The following ZNF585B variants were observed in gnomAD, a reference collection of about 807,000 sequenced individuals.
The protein encoded by ZNF585B is zinc finger protein 41-like protein.
ZNF585B carries 7 observed loss-of-function variants against 14.0 expected under a neutral mutation model. The ratio of observed to expected loss-of-function variants is 0.50; its 90% CI spans 0.28 to 0.94. ZNF585B has a LOEUF of 0.94. Among genes scored for constraint, ZNF585B ranks in the 40% least tolerant of loss-of-function variants. The probability of loss-of-function intolerance (pLI) is 0.09; values close to 1 mark genes in which losing one functional copy is unlikely to be tolerated. For synonymous variants in ZNF585B, 290 were observed against 317.3 expected, an observed-to-expected ratio of 0.91 and a Z score of 0.91; for missense variants, 750 against 924.4, an observed-to-expected ratio of 0.81 and a Z score of 2.45.
intron 2 of ZNF585B, among the ~76,000 whole-genome samples, chr19:37,197,110 C>T (rs1028932275): frequency 1.3e-5 from 2 of 152,076 alleles, no homozygotes; most frequent in African/African-American, 4.8e-5. Context: ...AGGTATTTCT[C>T]CTAATGCTAT....
chr19:37,207,334 C>G (rs1039374199), intron 1 of ZNF585B, 80 bp from the exon 2 acceptor site: 1 of 1,102,800 alleles, frequency 9.1e-7, no homozygotes, highest in Admixed American at 3.1e-5. Flanking sequence ...CAGGTCCCTG[C>G]GCTAGAAACC....
At chr19:37,205,480 G>A (rs781538565) in intron 2 of ZNF585B, among the ~76,000 whole-genome samples, 1 of 151,956 alleles carries the variant, frequency 6.6e-6, no homozygotes, top group Non-Finnish European at 1.5e-5. Context: ...AAACAGCAAT[G>A]TACAAAAAAG....
chr19:37,201,678 T>C (rs2145442961), intron 2 of ZNF585B, among the ~76,000 whole-genome samples: 1 of 152,288 alleles, frequency 6.6e-6, no homozygotes, highest in South Asian at 2.1e-4. Context: ...TTATTAAAAG[T>C]AGAATATTTT....
rs1318081615 is a variant in ZNF585B at position 37,206,634 on chromosome 19, G to A, written c.72+406C>T. Among the ~76,000 whole-genome samples the A allele has an allele frequency of 3.3e-5, 5 of 152,018 alleles. No individual in the cohort carries two copies. In the East Asian group the frequency reaches 9.6e-4, roughly 29 times the overall value. ...AATAGTAGAGAAAAGAAATGGAGAA[G>A]CAACATCTGAAAAACAAGTTTCAGA... On this transcript the variant is annotated intron_variant, in intron 2 of 4. Transcript: ENST00000532828.
In ZNF585B at chr19:37,189,309, G is replaced by A. The variant is rs530432678; in HGVS notation, c.292+352C>T. On this transcript the variant is annotated intron_variant, in intron 4 of 4. Coordinates refer to ENST00000532828, the MANE Select transcript of ZNF585B (RefSeq NM_152279.4). Reference sequence around the variant, plus strand: ...AAAGGGGTGTAGCACGAGTGGGAGTGTGTGACACAGAGTAAATTTTGAAAG... The same window carrying A: ...AAAGGGGTGTAGCACGAGTGGGAGTATGTGACACAGAGTAAATTTTGAAAG... Among the ~76,000 whole-genome samples, 8 of 152,246 alleles carry A rather than the reference G, an allele frequency of 5.3e-5. No individual in the cohort carries two copies. The South Asian group carries it at 1.5e-3, about 28-fold the overall frequency.
intron 4 of ZNF585B, among the ~76,000 whole-genome samples, chr19:37,188,467 C>G (rs1269741359): frequency 1.3e-5 from 2 of 151,828 alleles, no homozygotes; most frequent in Non-Finnish European, 2.9e-5. Flanking sequence ...GCCTGGGCAA[C>G]AAGAGTGAAA....
At chr19:37,203,769 C>G (rs1972559079) in intron 2 of ZNF585B, among the ~76,000 whole-genome samples, 2 of 152,158 alleles carry the variant, frequency 1.3e-5, no homozygotes, top group Non-Finnish European at 2.9e-5. Flanking sequence ...GCTGGGATTA[C>G]AGGCATGGGC....
At chr19:37,196,426 T>C (rs1016487227) in intron 2 of ZNF585B, among the ~76,000 whole-genome samples, 2 of 152,224 alleles carry the variant, frequency 1.3e-5, no homozygotes, top group African/African-American at 4.8e-5. Flanking sequence ...TGGAAAATCA[T>C]TGACAAGACT....
rs554526390 is a variant in ZNF585B, at chr19:37,185,615, T to C, written c.1922A>G (p.Lys641Arg). ...GAGATTTGACCTGCCACTAAAGGCT[T>C]TCCCACACTCGGCACACACATAGGG... is the stretch of plus-strand genomic sequence containing the variant. The part of the protein sequence containing the change: ...EKPYVCAECG[K>R]AFSGRSNLSK... Residue 641 changes from lysine (K) to arginine (R), a missense_variant, in exon 5 of 5, where the codon AAA becomes AGA. Coordinates refer to ENST00000532828, the MANE Select transcript of ZNF585B (RefSeq NM_152279.4). 6.2e-7 allele frequency: 1 copy of C among 1,614,124 alleles called. No individual in the cohort carries two copies. Among genetic ancestry groups the C allele is most frequent in the African/African-American group, 1.3e-5 (1 of 75,022 alleles).
chr19:37,199,682 T>C (rs1437849944), intron 2 of ZNF585B, among the ~76,000 whole-genome samples: 1 of 152,016 alleles, frequency 6.6e-6, no homozygotes, highest in Non-Finnish European at 1.5e-5. Flanking sequence ...ATACTACAAA[T>C]AAATTGACAC....
In ZNF585B at chr19:37,185,550, T is replaced by C; in HGVS notation, c.1987A>G (p.Ile663Val). The stretch of plus-strand genomic sequence containing the variant: ...AAGGTCTTCCCACATTCAGAACAAA[T>C]GTAGGGCTTTTCTCCGGTATGAGTT... ...QKTHTGEKPYICSECGKTFRQ... is the reference protein window; with the variant it reads ...QKTHTGEKPYVCSECGKTFRQ... Residue 663 changes from isoleucine to valine, a missense_variant, in exon 5 of 5, where the codon ATT becomes GTT. By Grantham distance (29) the Ile-to-Val change is conservative. Coordinates refer to ENST00000532828, the MANE Select transcript of ZNF585B (RefSeq NM_152279.4). 1.2e-6 allele frequency: 2 copies of C among 1,613,218 alleles called. No homozygotes were observed. The highest frequency in any genetic ancestry group is 1.7e-6 in the Non-Finnish European group (2 of 1,179,730).
chr19:37,197,213 G>A (rs558039884), intron 2 of ZNF585B, among the ~76,000 whole-genome samples: 7 of 147,832 alleles, frequency 4.7e-5, no homozygotes, highest in Non-Finnish European at 7.4e-5. Flanking sequence ...TCCCACCTAC[G>A]AGTGAGAACA....
At chr19:37,207,312 T>C in intron 1 of ZNF585B, 58 bp from the exon 2 acceptor site, 1 of 1,313,914 alleles carries the variant, frequency 7.6e-7, no homozygotes, top group Non-Finnish European at 1.0e-6. Flanking sequence ...ACTTCCTGGA[T>C]ACACCAAGGT....
chr19:37,185,401 G>C lies in ZNF585B; in HGVS notation c.2136C>G (p.His712Gln). 1.2e-6 allele frequency: 2 copies of C among 1,613,934 alleles called. No homozygotes were observed. Among genetic ancestry groups the C allele is most frequent in the African/African-American group, 2.7e-5 (2 of 74,952 alleles). Residue 712 changes from histidine (H) to glutamine (Q), a missense_variant, in exon 5 of 5, where the codon CAC becomes CAG. Around this residue, in one of 2 missense-constraint regions of ZNF585B, gnomAD observed 233 missense variants for 354.1 expected, o/e 0.66. Transcript: ENST00000532828. Reference sequence around the variant, plus strand: ...CACACACGTAAGGCTTCTCTCCAGTGTGAATTCGCTGATGCACTTGGAGCT... The same window carrying C: ...CACACACGTAAGGCTTCTCTCCAGTCTGAATTCGCTGATGCACTTGGAGCT... ...KSQLQVHQRI[H>Q]TGEKPYVCAE... is the part of the protein sequence containing the mutation.
intron 1 of ZNF585B, among the ~76,000 whole-genome samples, chr19:37,209,351 C>T (rs564918954): frequency 1.4e-4 from 21 of 152,134 alleles, no homozygotes; most frequent in African/African-American, 5.1e-4. Flanking sequence ...GATCTGCCCA[C>T]CTTGGCCACC....
intron 2 of ZNF585B, among the ~76,000 whole-genome samples, chr19:37,202,640 GTT>G (rs74179495): frequency 7.3e-6 from 1 of 137,770 alleles, no homozygotes. Context: ...TATTTGCATG[GTT>G]TTTTTTTTTT....
At chr19:37,200,582 G>T (rs924385278) in intron 2 of ZNF585B, among the ~76,000 whole-genome samples, 2 of 149,270 alleles carry the variant, frequency 1.3e-5, no homozygotes, top group Non-Finnish European at 1.5e-5. Flanking sequence ...ACAAAAGGTG[G>T]CAAAGACAAG....
rs1041545473 is a variant in ZNF585B at position 37,184,498 on chromosome 19, A to G, written c.*729T>C. ...AAAGAAAGAAAGAAAGAAAGAAAGAAAGAAAGAGAAAGAAAGAAAGAAAAA... is the reference window on the plus strand; with the variant it reads ...AAAGAAAGAAAGAAAGAAAGAAAGAGAGAAAGAGAAAGAAAGAAAGAAAAA... On this transcript the variant is annotated 3_prime_UTR_variant, in exon 5 of 5. Coordinates refer to ENST00000532828, the MANE Select transcript of ZNF585B (RefSeq NM_152279.4). 4 of 86,326 alleles carry G rather than the reference A, an allele frequency of 4.6e-5. No individual in the cohort carries two copies. The highest frequency in any genetic ancestry group is 3.8e-4 in the Admixed American group (3 of 7,950). The allele number at this position is 86,326 out of a possible 1,614,324, so 5.3% of individuals were successfully genotyped here. A position where few individuals can be genotyped will look rare whatever the true frequency, so the allele number is the denominator to read the frequency against.
In ZNF585B at chr19:37,183,066, C is replaced by T. The variant is rs1972280108; in HGVS notation, c.*2161G>A. 1 of 152,156 alleles carries T rather than the reference C, an allele frequency of 6.6e-6. No individual in the cohort carries two copies. Among genetic ancestry groups the T allele is most frequent in the Admixed American group, 6.6e-5 (1 of 15,266 alleles). The allele number at this position is 152,156 out of a possible 1,614,324, so 9.4% of individuals were successfully genotyped here. On this transcript the variant is annotated 3_prime_UTR_variant, in exon 5 of 5. Coordinates refer to ENST00000532828, the MANE Select transcript of ZNF585B (RefSeq NM_152279.4). Reference sequence around the variant, plus strand: ...CTGAGACAGGACAGCGCTGTGCATGCTGAGGAAAAATGAGCAGGGAGTCTT... The same window carrying T: ...CTGAGACAGGACAGCGCTGTGCATGTTGAGGAAAAATGAGCAGGGAGTCTT...
Sources: allele counts gnomAD v4.1 joint callset (sites outside exome capture counted in the v4.1 genomes callset), GRCh38; gene constraint gnomAD v4.1.1; regional missense constraint gnomAD v4.1.1; transcripts MANE v1.5; gene names NCBI Gene and HGNC (gene_info 2026-07-23, HGNC 2026-07-21).